Variants in OPCML observed in about 807,000 individuals in gnomAD.
The protein encoded by OPCML is opioid binding protein/cell adhesion molecule like.
Under a neutral mutation model 37.8 loss-of-function variants are expected in OPCML, and 13 were observed. The observed-to-expected ratio is 0.34, with a 90% CI of 0.22 to 0.55. OPCML has a LOEUF of 0.55. Among genes scored for constraint, OPCML ranks in the 20% least tolerant of loss-of-function variants. The pLI, the probability that OPCML is intolerant of heterozygous loss-of-function variation, is 0.91. For synonymous variants in OPCML, 176 were observed against 168.8 expected (o/e 1.04, Z -0.33); for missense variants, 341 against 435.6 (o/e 0.78, Z 1.93).
intron 2 of OPCML, among the ~76,000 whole-genome samples, chr11:132,739,418 GT>G (rs1565822664): frequency 1.3e-5 from 2 of 152,236 alleles, no homozygotes; most frequent in East Asian, 1.9e-4. Flanking sequence ...AGAAGAAAAA[GT>G]TTTTTTCCTC....
At chr11:132,798,709 G>C (rs534124133) in intron 2 of OPCML, among the ~76,000 whole-genome samples, 4 of 152,166 alleles carry the variant, frequency 2.6e-5, no homozygotes, top group Non-Finnish European at 5.9e-5. Flanking sequence ...TTCTTTATGG[G>C]ATCTAGCAAG....
chr11:133,208,915 C>A lies in OPCML; in HGVS notation c.62-265905G>T, dbSNP rs1263682590. Among the ~76,000 whole-genome samples the A allele has an allele frequency of 3.3e-5, 5 of 152,148 alleles. No individual in the cohort carries two copies. The highest frequency in any genetic ancestry group is 2.9e-5 in the Non-Finnish European group (2 of 68,034). On this transcript the variant is annotated intron_variant, in intron 1 of 7. Transcript: ENST00000524381. The surrounding 1 kb of genome is among the most constrained non-coding windows in gnomAD (Gnocchi z 8.9). ...CTCCTCTGGTGTCTAAGAACCAAAC[C>A]AACCCACTCTTGGGAGAAGACATAC...
chr11:132,430,041 G>A (rs1459982222), intron 7 of OPCML, among the ~76,000 whole-genome samples: 1 of 152,138 alleles, frequency 6.6e-6, no homozygotes, highest in Non-Finnish European at 1.5e-5. Context: ...AGACGAGGTC[G>A]GGTGTTAGAG....
At chr11:132,903,567 T>C (rs796903808) in intron 2 of OPCML, among the ~76,000 whole-genome samples, 2 of 152,082 alleles carry the variant, frequency 1.3e-5, no homozygotes, top group South Asian at 2.1e-4. Context: ...TCCTCCCTTT[T>C]GGAATTCAGG....
At chr11:132,598,077 A>T (rs563187292) in intron 3 of OPCML, among the ~76,000 whole-genome samples, 1 of 151,848 alleles carries the variant, frequency 6.6e-6, no homozygotes, top group African/African-American at 2.4e-5. Context: ...TCTTTCTCTC[A>T]TTCTACCAAT....
At chr11:133,505,699 G>A (rs2120577130) in intron 1 of OPCML, among the ~76,000 whole-genome samples, 1 of 152,302 alleles carries the variant, frequency 6.6e-6, no homozygotes, top group East Asian at 1.9e-4. Flanking sequence ...GCAATGAGGT[G>A]AACTGATGCC....
At chr11:132,587,528 C>T (rs1426809712) in intron 3 of OPCML, among the ~76,000 whole-genome samples, 1 of 152,212 alleles carries the variant, frequency 6.6e-6, no homozygotes, top group Non-Finnish European at 1.5e-5. Flanking sequence ...CAGCCCACAC[C>T]AGTGATGCTG....
intron 1 of OPCML, among the ~76,000 whole-genome samples, chr11:133,323,696 G>A (rs964646256): frequency 2.6e-5 from 4 of 152,146 alleles, no homozygotes; most frequent in African/African-American, 4.8e-5. Flanking sequence ...TCCAGGTATC[G>A]CAGAGTATTG....
At position 133,448,391 on chromosome 11, in the gene OPCML, A is replaced by G. The variant is rs149714646; in HGVS notation, c.61+83873T>C. On this transcript the variant is annotated intron_variant, in intron 1 of 7. Transcript: ENST00000524381. ...TTCCCCGAACATTCAATTCTATTCC[A>G]TGAGCTACATGTCTAACCTTGTCCC... Among the ~76,000 whole-genome samples the G allele has an allele frequency of 4.5e-3, 688 of 152,314 alleles. 4 individuals are homozygous for G. Among genetic ancestry groups the G allele is most frequent in the Non-Finnish European group, 5.9e-3 (401 of 68,026 alleles).
At chr11:132,966,900 A>AT (rs989383822) in intron 1 of OPCML, among the ~76,000 whole-genome samples, 4 of 151,942 alleles carry the variant, frequency 2.6e-5, no homozygotes, top group African/African-American at 9.7e-5. Context: ...ATATATTTTT[A>AT]TTTTTTAAAG....
intron 1 of OPCML, among the ~76,000 whole-genome samples, chr11:133,167,197 G>A (rs1041466750): frequency 6.6e-6 from 1 of 152,152 alleles, no homozygotes; most frequent in Non-Finnish European, 1.5e-5. Flanking sequence ...TATTTCTCCA[G>A]CGTGCTTCCT....
chr11:132,743,057 C>A (rs1945487992), intron 2 of OPCML, among the ~76,000 whole-genome samples: 1 of 152,082 alleles, frequency 6.6e-6, no homozygotes, highest in African/African-American at 2.4e-5. Flanking sequence ...ATGGAGTCAT[C>A]TATGTGACTG....
intron 1 of OPCML, among the ~76,000 whole-genome samples, chr11:133,309,775 G>A (rs574497879): frequency 6.6e-6 from 1 of 152,326 alleles, no homozygotes; most frequent in East Asian, 1.9e-4. Context: ...TGGAACTGGA[G>A]ATGGATAGAG....
chr11:133,096,076 TAACA>T (rs1948997679), intron 1 of OPCML, among the ~76,000 whole-genome samples: 1 of 151,926 alleles, frequency 6.6e-6, no homozygotes, highest in African/African-American at 2.4e-5. Flanking sequence ...TTCACCGATC[TAACA>T]GATTATGTTT....
At chr11:132,972,388 AG>A (rs1462536712) in intron 1 of OPCML, among the ~76,000 whole-genome samples, 3 of 152,206 alleles carry the variant, frequency 2.0e-5, no homozygotes, top group Non-Finnish European at 4.4e-5. Context: ...GACTGGCATG[AG>A]GGCCATCCAC....
Position 133,125,644 on chromosome 11 carries a change from ATG to A in OPCML, c.62-182636_62-182635del, listed in dbSNP as rs1949490530. On this transcript the variant is annotated intron_variant, in intron 1 of 7. Transcript: ENST00000524381. ...AGTATCTAGTATATAGTATATATACATGTGTCTATATATACATGTATATAGTA... is the reference window on the plus strand; with the variant it reads ...AGTATCTAGTATATAGTATATATACATGTCTATATATACATGTATATAGTA... Among the ~76,000 whole-genome samples, 6 of 114,194 alleles carry A rather than the reference ATG, an allele frequency of 5.3e-5. No homozygotes were observed. In the South Asian group the frequency reaches 1.8e-3, roughly 33 times the overall value. The allele number at this position is 114,194 out of a possible 152,430, so 74.9% of individuals were successfully genotyped here.
chr11:133,202,302 T>C (rs555425162), intron 1 of OPCML, among the ~76,000 whole-genome samples: 2 of 152,278 alleles, frequency 1.3e-5, no homozygotes, highest in East Asian at 1.9e-4. Context: ...TCCTCCATCA[T>C]TTTCCCTCTG....
chr11:132,837,099 G>A (rs1941051439), intron 2 of OPCML, among the ~76,000 whole-genome samples: 1 of 152,148 alleles, frequency 6.6e-6, no homozygotes, highest in Non-Finnish European at 1.5e-5. Context: ...TGGATCACCT[G>A]AGGTCGGGAG....
intron 1 of OPCML, among the ~76,000 whole-genome samples, chr11:133,318,788 G>T (rs1027759874): frequency 2.6e-5 from 4 of 152,172 alleles, no homozygotes; most frequent in Admixed American, 6.5e-5. Context: ...TGTAATCTCA[G>T]CACTTTGGGA....
Sources: gnomAD v4.1 joint callset for allele counts (sites outside exome capture counted in the v4.1 genomes callset) on GRCh38, gnomAD v4.1.1 for gene constraint, Gnocchi (gnomAD v3.1) non-coding constraint, MANE v1.5 for transcripts, NCBI Gene and HGNC (gene_info 2026-07-23, HGNC 2026-07-21) for gene names.